The following NUP107 variants were observed in gnomAD, a reference collection of about 807,000 sequenced individuals.
NUP107 encodes nuclear pore complex protein Nup107.
A neutral mutation model predicts 141.0 loss-of-function variants in NUP107; 101 were observed. The observed-to-expected ratio is 0.72, with a 90% CI of 0.61 to 0.84. NUP107 has a LOEUF of 0.84. NUP107 is among the 40% of genes least tolerant of loss of function. The probability of loss-of-function intolerance (pLI) is 0.00; values close to 1 mark genes in which losing one functional copy is unlikely to be tolerated. For synonymous variants in NUP107, 319 were observed against 363.9 expected (o/e 0.88, Z 1.41); for missense variants, 941 against 1,102.7 (o/e 0.85, Z 2.08).
rs188835773 is a variant in NUP107 at position 68,741,777 on chromosome 12, A to T, written c.2503-36A>T. 12 of 1,586,938 alleles carry T rather than the reference A, an allele frequency of 7.6e-6. No individual in the cohort carries two copies. In the Admixed American group the frequency reaches 1.9e-4, roughly 26 times the overall value. The stretch of plus-strand genomic sequence containing the variant: ...TTCTTTTTGTAAGGATCTTTAGCTT[A>T]AATTGTTAAAATGATTTATTGATGT... On this transcript the variant is annotated intron_variant, in intron 26 of 27. Transcript: ENST00000229179.
chr12:68,737,874 C>A (rs916555624), intron 26 of NUP107, among the ~76,000 whole-genome samples: 4 of 152,196 alleles, frequency 2.6e-5, no homozygotes, highest in African/African-American at 9.7e-5. Context: ...GGAACGGTGG[C>A]TCATCCCTAT....
chr12:68,729,304 A>G (rs563648533), intron 20 of NUP107, among the ~76,000 whole-genome samples: 2 of 152,330 alleles, frequency 1.3e-5, no homozygotes, highest in Admixed American at 6.5e-5. Flanking sequence ...ACCACAATGT[A>G]TGGTCTGTAA....
chr12:68,701,406 G>T (rs562846498), intron 7 of NUP107, among the ~76,000 whole-genome samples: 89 of 152,334 alleles, frequency 5.8e-4, no homozygotes, highest in South Asian at 8.3e-4. Context: ...TGTGGGCTGG[G>T]CACAGTGGCT....
Position 68,690,618 on chromosome 12 carries a change from C to A in NUP107, c.188-13C>A, listed in dbSNP as rs372829915. 40 of 1,614,036 alleles carry A rather than the reference C, an allele frequency of 2.5e-5. No homozygotes were observed. In the African/African-American group the frequency reaches 4.7e-4, roughly 19 times the overall value. On this transcript the variant is annotated splice_polypyrimidine_tract_variant and intron_variant, in intron 3 of 27. Transcript: ENST00000229179. ...CGCACTTTAGGTTCTTTCTACCAAC[C>A]TTTTGTTTATAGTTACCCCAACAAG...
intron 15 of NUP107, among the ~76,000 whole-genome samples, 200 bp downstream of exon 15, chr12:68,721,377 G>A (rs530730139): frequency 1.9e-4 from 29 of 152,196 alleles, no homozygotes; most frequent in African/African-American, 7.0e-4. Context: ...AACATGCATG[G>A]TATTTTAATG....
At chr12:68,709,382 GTTT>G (rs998508912) in intron 9 of NUP107, 73 bp downstream of exon 9, 2 of 792,412 alleles carry the variant, frequency 2.5e-6, no homozygotes, top group South Asian at 1.9e-5. Flanking sequence ...GTACTGAAGT[GTTT>G]TTTAACTTAA....
Position 68,733,448 on chromosome 12 carries a change from A to C in NUP107, c.2102-4A>C. The C allele has an allele frequency of 1.2e-6, 2 of 1,604,490 alleles. No individual in the cohort carries two copies. The highest frequency in any genetic ancestry group is 8.5e-7 in the Non-Finnish European group (1 of 1,175,966). On this transcript the variant is annotated splice_polypyrimidine_tract_variant and splice_region_variant and intron_variant, in intron 23 of 27. Transcript: ENST00000229179. ...CATTCAAAATTGTGTATCTTTTTTC[A>C]CAGCATCAAAAAAGCACGAAGCTGC...
At chr12:68,700,006 G>A (rs1876249865) in intron 6 of NUP107, among the ~76,000 whole-genome samples, 1 of 152,092 alleles carries the variant, frequency 6.6e-6, no homozygotes, top group African/African-American at 2.4e-5. Flanking sequence ...GGGTTCAAGT[G>A]ATTCTCCTGC....
Position 68,733,604 on chromosome 12 carries a change from G to T in NUP107, c.2254G>T (p.Ala752Ser). 6.2e-7 allele frequency: 1 copy of T among 1,609,750 alleles called. No homozygotes were observed. Among genetic ancestry groups the T allele is most frequent in the South Asian group, 1.1e-5 (1 of 89,956 alleles). Reference protein sequence around the residue: ...NAIREHLCIRAYLEAHETFNE... With the variant: ...NAIREHLCIRSYLEAHETFNE... Reference sequence around the variant, plus strand: ...TATCCGAGAACATTTGTGCATCAGAGCTTATTTGGTGAGACTGTAAAGAAA... The same window carrying T: ...TATCCGAGAACATTTGTGCATCAGATCTTATTTGGTGAGACTGTAAAGAAA... The change falls in exon 24 of 28, where the codon GCT becomes TCT. Residue 752 changes from alanine to serine, a missense_variant. Ala to Ser is a moderately conservative substitution (Grantham distance 99). Transcript: ENST00000229179.
chr12:68,709,103 A>G, intron 8 of NUP107, 135 bp from the exon 9 acceptor site: 3 of 586,546 alleles, frequency 5.1e-6, no homozygotes, highest in Non-Finnish European at 8.8e-6. Context: ...CAGATTTACT[A>G]TGTGGTAAAA....
chr12:68,711,716 G>A (rs979128611), intron 10 of NUP107, among the ~76,000 whole-genome samples: 5 of 152,138 alleles, frequency 3.3e-5, no homozygotes, highest in South Asian at 4.1e-4. Context: ...CCCAGAGAAC[G>A]TAAAGTGTTT....
intron 5 of NUP107, among the ~76,000 whole-genome samples, chr12:68,695,998 TCC>T (rs746061407): frequency 9.4e-5 from 13 of 138,328 alleles, no homozygotes; most frequent in Admixed American, 3.0e-4. Context: ...CAGAGCAAGA[TCC>T]CCCTCTCTTA....
chr12:68,687,310 A>C (rs910142771), intron 1 of NUP107: 1 of 681,966 alleles, frequency 1.5e-6, no homozygotes, highest in African/African-American at 1.8e-5. Context: ...TCTGCGATCT[A>C]TTCGGCGCTT....
At position 68,727,472 on chromosome 12, in the gene NUP107, A is replaced by T. The variant is rs947320458; in HGVS notation, c.1734+83A>T. 10 of 746,984 alleles carry T rather than the reference A, an allele frequency of 1.3e-5. No homozygotes were observed. In the South Asian group the frequency reaches 2.0e-4, roughly 15 times the overall value. The allele number at this position is 746,984 out of a possible 1,614,324, so 46.3% of individuals were successfully genotyped here. ...TCAGAATGATGCTATTTTAATTCTC[A>T]GTGGTAAGAAAGCATCAGAATCCAT... On this transcript the variant is annotated intron_variant, in intron 20 of 27. Transcript: ENST00000229179.
At chr12:68,706,172 G>A (rs878876095) in intron 8 of NUP107, 55 of 766,796 alleles carry the variant, frequency 7.2e-5, no homozygotes, top group South Asian at 5.8e-4. Context: ...GAACAAGTAC[G>A]AGGATGATAT....
At position 68,715,890 on chromosome 12, in the gene NUP107, G is replaced by A. The variant is rs771596642; in HGVS notation, c.1083+150G>A. ...TCTAACTTCCTGTTCGAACATTTCC[G>A]GTGATAAGGCACATGTAACTTGAGA... On this transcript the variant is annotated intron_variant, in intron 12 of 27. Transcript: ENST00000229179. The A allele has an allele frequency of 1.5e-4, 82 of 533,766 alleles. 1 individual carries two copies. The highest frequency in any genetic ancestry group is 2.3e-4 in the Non-Finnish European group (68 of 296,426). 33.1% of individuals were successfully genotyped at this position (533,766 alleles called of 1,614,324 possible).
Position 68,700,747 on chromosome 12 carries a change from G to A in NUP107, c.574G>A (p.Val192Met), listed in dbSNP as rs1250749962. The A allele has an allele frequency of 6.2e-7, 1 of 1,608,124 alleles. No individual in the cohort carries two copies. Among genetic ancestry groups the A allele is most frequent in the East Asian group, 2.2e-5 (1 of 44,744 alleles). ...TCAGGTGAATATACTGAGTAAAATA[G>A]TGAGTCGAGCAACACCTGGACTTCA... ...GSQVNILSKI[V>M]SRATPGLQKF... Residue 192 changes from valine (V) to methionine (M), a missense_variant, in exon 7 of 28, where the codon GTG becomes ATG. Transcript: ENST00000229179.
rs543006998 is a variant in NUP107, at chr12:68,744,242, T to G, written c.*1780T>G. 6.6e-6 allele frequency: 1 copy of G among 152,308 alleles called. No homozygotes were observed. Among genetic ancestry groups the G allele is most frequent in the African/African-American group, 2.4e-5 (1 of 41,564 alleles). The allele number at this position is 152,308 out of a possible 1,614,324, so 9.4% of individuals were successfully genotyped here. ...CTTGTTTTGCATGTCCCCCACTCTG[T>G]ATTTGTCTTTTGTTGTGCCTTGTTT... On this transcript the variant is annotated 3_prime_UTR_variant, in exon 28 of 28. Coordinates refer to ENST00000229179, the MANE Select transcript of NUP107 (RefSeq NM_020401.4).
chr12:68,712,418 C>CAAA (rs745430819), intron 10 of NUP107, among the ~76,000 whole-genome samples: 11 of 63,816 alleles, frequency 1.7e-4, no homozygotes, highest in African/African-American at 3.0e-4. Context: ...AACTCCATCT[C>CAAA]AAAAAAAAAA....
Sources: allele counts gnomAD v4.1 joint callset (sites outside exome capture counted in the v4.1 genomes callset), GRCh38; gene constraint gnomAD v4.1.1; transcripts MANE v1.5; gene names NCBI Gene and HGNC (gene_info 2026-07-23, HGNC 2026-07-21).